SLC35G2: variants seen among roughly 807,000 people sequenced by gnomAD.
SLC35G2 encodes the protein transmembrane protein 22.
In SLC35G2, 20 loss-of-function variants were observed where a neutral mutation model predicts 27.2. That is an observed-to-expected ratio of 0.74 (90% CI 0.52 to 1.07). SLC35G2 has a LOEUF of 1.07. Ranked by LOEUF, SLC35G2 falls within the 50% of genes least tolerant of loss-of-function variation. The pLI is 0.00. For missense variants in SLC35G2, 416 were observed against 493.3 expected (o/e 0.84, Z 1.48); for synonymous variants, 148 against 165.3 (o/e 0.90, Z 0.80).
At chr3:136,821,309 A>C (rs1936451164) in intron 1 of SLC35G2, among the ~76,000 whole-genome samples, 1 of 152,142 alleles carries the variant, frequency 6.6e-6, no homozygotes, top group Admixed American at 6.6e-5. Flanking sequence ...ATCATTATTA[A>C]GGGTTGCATA....
chr3:136,839,567 C>G (rs1003648955), intron 1 of SLC35G2, among the ~76,000 whole-genome samples: 1 of 152,192 alleles, frequency 6.6e-6, no homozygotes, highest in African/African-American at 2.4e-5. Flanking sequence ...TGTACAGCAA[C>G]TAACTGGTCC....
intron 1 of SLC35G2, among the ~76,000 whole-genome samples, chr3:136,851,520 A>AAAC (rs1481592090): frequency 2.0e-5 from 3 of 150,798 alleles, no homozygotes; most frequent in African/African-American, 7.3e-5. Context: ...AAAAAAAAAA[A>AAAC]AGATGAACAG....
chr3:136,823,478 T>G (rs1936507896), intron 1 of SLC35G2, among the ~76,000 whole-genome samples: 1 of 152,174 alleles, frequency 6.6e-6, no homozygotes, highest in African/African-American at 2.4e-5. Flanking sequence ...CTCAAGAAAT[T>G]TTAGCCCAGA....
At position 136,855,224 on chromosome 3, in the gene SLC35G2, C is replaced by G. The variant is rs372131529; in HGVS notation, c.764C>G (p.Ala255Gly). Residue 255 changes from alanine (A) to glycine (G), a missense_variant, in exon 2 of 2, where the codon GCC becomes GGC. Coordinates refer to ENST00000446465, the MANE Select transcript of SLC35G2 (RefSeq NM_025246.3). Reference sequence around the variant, plus strand: ...TCTTTGTTAAATGCCTGGAAAGAAGCCTTTGGGTACACCATGACTGTGATG... The same window carrying G: ...TCTTTGTTAAATGCCTGGAAAGAAGGCTTTGGGTACACCATGACTGTGATG... Reference protein sequence around the residue: ...DNSLLNAWKEAFGYTMTVMAG... With the variant: ...DNSLLNAWKEGFGYTMTVMAG... The G allele has an allele frequency of 1.9e-6, 3 of 1,614,048 alleles. No homozygotes were observed. The highest frequency in any genetic ancestry group is 2.5e-6 in the Non-Finnish European group (3 of 1,180,024).
intron 1 of SLC35G2, among the ~76,000 whole-genome samples, chr3:136,839,749 C>T (rs1937011308): frequency 6.6e-6 from 1 of 152,172 alleles, no homozygotes; most frequent in Non-Finnish European, 1.5e-5. Context: ...TACTGCATAG[C>T]TGATAAGCCC....
intron 1 of SLC35G2, among the ~76,000 whole-genome samples, chr3:136,852,775 G>A (rs1937729743): frequency 6.6e-6 from 1 of 152,138 alleles, no homozygotes; most frequent in African/African-American, 2.4e-5. Flanking sequence ...TTACAGGCAT[G>A]AGCCAGCGTG....
intron 1 of SLC35G2, among the ~76,000 whole-genome samples, chr3:136,822,762 C>G (rs966562492): frequency 1.3e-5 from 2 of 152,162 alleles, no homozygotes; most frequent in Non-Finnish European, 2.9e-5. Flanking sequence ...ATAACAGGAT[C>G]TCATTCTTTT....
chr3:136,853,627 C>G (rs1937790422), intron 1 of SLC35G2, among the ~76,000 whole-genome samples: 1 of 152,122 alleles, frequency 6.6e-6, no homozygotes, highest in African/African-American at 2.4e-5. Flanking sequence ...CTTGTTCCTC[C>G]TGTCACCTGA....
In SLC35G2 at chr3:136,854,911, G is replaced by A. The variant is rs748810714; in HGVS notation, c.451G>A (p.Val151Met). The A allele has an allele frequency of 1.2e-6, 2 of 1,614,008 alleles. No homozygotes were observed. The highest frequency in any genetic ancestry group is 1.7e-6 in the Non-Finnish European group (2 of 1,180,022). The change falls in exon 2 of 2, where the codon GTG becomes ATG. Residue 151 changes from valine to methionine, a missense_variant. Coordinates refer to ENST00000446465, the MANE Select transcript of SLC35G2 (RefSeq NM_025246.3). The part of the protein sequence containing the change: ...SVFQVLSVLV[V>M]CYYQEAPFGP... ...TTTTCAGGTCTTATCTGTGTTAGTT[G>A]TGTGTTACTATCAGGAGGCCCCCTT...
rs985928486 is a variant in SLC35G2, at chr3:136,839,122, T to C, written c.-18-15321T>C. Reference sequence around the variant, plus strand: ...CAGGAAGGTGATTCTGCTTTTTTTTTTTTTTTAACAGAAGGAAAGTTAAGT... The same window carrying C: ...CAGGAAGGTGATTCTGCTTTTTTTTCTTTTTTAACAGAAGGAAAGTTAAGT... On this transcript the variant is annotated intron_variant, in intron 1 of 1. Coordinates refer to ENST00000446465, the MANE Select transcript of SLC35G2 (RefSeq NM_025246.3). 9.7e-4 allele frequency: 148 copies of C among 152,288 alleles called. 1 individual carries two copies. The highest frequency in any genetic ancestry group is 3.5e-3 in the African/African-American group (145 of 41,568). The allele number at this position is 152,288 out of a possible 1,614,324, so 9.4% of individuals were successfully genotyped here.
chr3:136,848,527 G>A (rs1320397185), intron 1 of SLC35G2, among the ~76,000 whole-genome samples: 4 of 152,164 alleles, frequency 2.6e-5, no homozygotes, highest in Non-Finnish European at 5.9e-5. Context: ...GCTGAGGTGG[G>A]AGGATCACTT....
intron 1 of SLC35G2, among the ~76,000 whole-genome samples, chr3:136,852,501 T>C (rs1194794186): frequency 1.3e-5 from 2 of 151,600 alleles, no homozygotes; most frequent in African/African-American, 2.4e-5. Flanking sequence ...CTTTTTCTTT[T>C]TTTTTTTTTG....
At chr3:136,826,023 T>G (rs986279514) in intron 1 of SLC35G2, among the ~76,000 whole-genome samples, 13 of 121,222 alleles carry the variant, frequency 1.1e-4, no homozygotes, top group Non-Finnish European at 1.6e-4. Flanking sequence ...CCTGGGCTTT[T>G]CTTTTCTTTA....
chr3:136,835,307 CTTTTTTTTT>C (rs59937564), intron 1 of SLC35G2, among the ~76,000 whole-genome samples: 2 of 113,200 alleles, frequency 1.8e-5, no homozygotes, highest in Admixed American at 9.7e-5. Flanking sequence ...AGGCCTTTTT[CTTTTTTTTT>C]TTTTTTTGTA....
intron 1 of SLC35G2, among the ~76,000 whole-genome samples, chr3:136,829,806 A>T (rs917722008): frequency 4.0e-5 from 6 of 151,812 alleles, no homozygotes; most frequent in Non-Finnish European, 8.8e-5. Flanking sequence ...GAGCTCCATT[A>T]TATGTTATTT....
At chr3:136,828,789 T>G (rs540387677) in intron 1 of SLC35G2, among the ~76,000 whole-genome samples, 20 of 152,304 alleles carry the variant, frequency 1.3e-4, no homozygotes, top group Middle Eastern at 3.4e-3. Flanking sequence ...GTTTTCTGGT[T>G]GTTTTGTGGT....
At chr3:136,844,806 A>AG (rs1467841211) in intron 1 of SLC35G2, among the ~76,000 whole-genome samples, 2 of 150,470 alleles carry the variant, frequency 1.3e-5, no homozygotes, top group East Asian at 3.9e-4. Flanking sequence ...TCAAAAAAAA[A>AG]AAAAAAAAAA....
intron 1 of SLC35G2, among the ~76,000 whole-genome samples, chr3:136,823,385 C>G (rs1186323110): frequency 1.3e-5 from 2 of 152,056 alleles, no homozygotes; most frequent in African/African-American, 4.8e-5. Context: ...CTGACTGTTT[C>G]CTTTGCTGTG....
intron 1 of SLC35G2, among the ~76,000 whole-genome samples, chr3:136,832,905 A>G (rs974019118): frequency 1.3e-5 from 2 of 152,098 alleles, no homozygotes; most frequent in Non-Finnish European, 2.9e-5. Context: ...CGTCTCTACT[A>G]AAAATACAAA....
Sources: allele counts gnomAD v4.1 joint callset (sites outside exome capture counted in the v4.1 genomes callset), GRCh38; gene constraint gnomAD v4.1.1; transcripts MANE v1.5; gene names NCBI Gene and HGNC (gene_info 2026-07-23, HGNC 2026-07-21).